Variants in TRHR observed in about 807,000 individuals in gnomAD.
The protein encoded by TRHR is thyrotropin releasing hormone receptor.
Under a neutral mutation model 28.0 loss-of-function variants are expected in TRHR, and 14 were observed. The observed-to-expected ratio is 0.50, with a 90% CI of 0.33 to 0.78. The LOEUF (loss-of-function observed/expected upper bound fraction) is 0.78. Ranked by LOEUF, TRHR falls within the 30% of genes least tolerant of loss-of-function variation. The pLI, the probability that TRHR is intolerant of heterozygous loss-of-function variation, is 0.02. For synonymous variants in TRHR, 176 were observed against 171.9 expected (o/e 1.02, Z -0.18); for missense variants, 438 against 469.5 (o/e 0.93, Z 0.62).
chr8:109,114,712 T>A (rs914121308), intron 2 of TRHR, among the ~76,000 whole-genome samples: 1 of 152,082 alleles, frequency 6.6e-6, no homozygotes, highest in Non-Finnish European at 1.5e-5. Context: ...TCTCTCTTTA[T>A]CTTAAGATTT....
intron 2 of TRHR, among the ~76,000 whole-genome samples, chr8:109,099,878 T>C (rs1284150180): frequency 6.6e-6 from 1 of 152,174 alleles, no homozygotes; most frequent in East Asian, 1.9e-4. Flanking sequence ...TTGAGTTTTA[T>C]GAGGATTTAT....
chr8:109,114,592 G>A (rs892751406), intron 2 of TRHR, among the ~76,000 whole-genome samples: 4 of 151,948 alleles, frequency 2.6e-5, no homozygotes, highest in Admixed American at 2.0e-4. Context: ...TTCATTACAT[G>A]GTCTGCAATT....
rs906248220 is a variant in TRHR at position 109,087,400 on chromosome 8, G to C, written c.-88-25G>C. 4.5e-6 allele frequency: 5 copies of C among 1,123,556 alleles called. No homozygotes were observed. In the Admixed American group the frequency reaches 9.6e-5, roughly 22 times the overall value. 69.6% of individuals were successfully genotyped at this position (1,123,556 alleles called of 1,614,324 possible). On this transcript the variant is annotated intron_variant, in intron 1 of 2. Transcript: ENST00000518632. ...GATCAGAAATTGTAACACTGTTAAT[G>C]AATATGTACTATGACCCTTCACAGG... is the stretch of plus-strand genomic sequence containing the variant.
At chr8:109,098,966 C>T (rs1811637292) in intron 2 of TRHR, among the ~76,000 whole-genome samples, 1 of 152,172 alleles carries the variant, frequency 6.6e-6, no homozygotes, top group African/African-American at 2.4e-5. Flanking sequence ...GAAACGTGAT[C>T]CTATTTATTG....
At chr8:109,107,009 G>A (rs973454120) in intron 2 of TRHR, among the ~76,000 whole-genome samples, 6 of 152,136 alleles carry the variant, frequency 3.9e-5, no homozygotes, top group Non-Finnish European at 7.3e-5. Flanking sequence ...AGACATGAGG[G>A]AAAGTAACTT....
At chr8:109,103,933 G>A (rs1183140261) in intron 2 of TRHR, among the ~76,000 whole-genome samples, 1 of 152,068 alleles carries the variant, frequency 6.6e-6, no homozygotes, top group African/African-American at 2.4e-5. Context: ...GAACACTGAG[G>A]CACCAGAAGA....
chr8:109,118,360 A>T (rs1385310964), intron 2 of TRHR, among the ~76,000 whole-genome samples: 1 of 151,930 alleles, frequency 6.6e-6, no homozygotes. Flanking sequence ...CTTTTCATGC[A>T]CTGTTACCTC....
intron 2 of TRHR, among the ~76,000 whole-genome samples, chr8:109,088,726 G>C (rs954132926): frequency 6.6e-6 from 1 of 152,140 alleles, no homozygotes; most frequent in African/African-American, 2.4e-5. Flanking sequence ...TTGAAAACAG[G>C]TTAGTTTAAA....
chr8:109,087,572 G>A lies in TRHR; in HGVS notation c.60G>A (p.Val20=). 1.9e-6 allele frequency: 3 copies of A among 1,614,212 alleles called. No homozygotes were observed. Among genetic ancestry groups the A allele is most frequent in the South Asian group, 2.2e-5 (2 of 91,084 alleles). The part of the protein sequence containing the change: ...NQTQLQPRAV[V]ALEYQVVTIL... Reference sequence around the variant, plus strand: ...CACAGCTTCAGCCACGAGCAGTGGTGGCCTTAGAATACCAGGTGGTCACCA... The same window carrying A: ...CACAGCTTCAGCCACGAGCAGTGGTAGCCTTAGAATACCAGGTGGTCACCA... Residue 20 remains valine (V), a synonymous_variant, in exon 2 of 3, where the codon GTG becomes GTA. Coordinates refer to ENST00000518632, the MANE Select transcript of TRHR (RefSeq NM_003301.7).
At chr8:109,118,988 AG>A in intron 2 of TRHR, 59 bp from the exon 3 acceptor site, 2 of 1,604,720 alleles carry the variant, frequency 1.2e-6, no homozygotes, top group African/African-American at 1.3e-5. Flanking sequence ...GAGAGAAGAA[AG>A]GGGGTTTTGT....
At chr8:109,117,132 G>T (rs760386432) in intron 2 of TRHR, among the ~76,000 whole-genome samples, 1 of 152,098 alleles carries the variant, frequency 6.6e-6, no homozygotes, top group South Asian at 2.1e-4. Flanking sequence ...AGTAAGTGTT[G>T]TTGGGTTTAT....
At chr8:109,102,799 C>A (rs931380888) in intron 2 of TRHR, among the ~76,000 whole-genome samples, 3 of 152,036 alleles carry the variant, frequency 2.0e-5, no homozygotes, top group African/African-American at 7.2e-5. Context: ...TAGTAAATTA[C>A]AGCTGATCTG....
chr8:109,119,259 T>G lies in TRHR; in HGVS notation c.1001T>G (p.Leu334Arg). 1 of 1,612,772 alleles carries G rather than the reference T, an allele frequency of 6.2e-7. No individual in the cohort carries two copies. Among genetic ancestry groups the G allele is most frequent in the Non-Finnish European group, 8.5e-7 (1 of 1,179,258 alleles). ...SQKFRAAFRKLCNCKQKPTEK... is the reference protein window; with the variant it reads ...SQKFRAAFRKRCNCKQKPTEK... ...AAATTCCGTGCAGCCTTCAGAAAGC[T>G]CTGCAACTGCAAGCAGAAGCCAACA... The change falls in exon 3 of 3, where the codon CTC (leucine) becomes CGC (arginine). Residue 334 changes from leucine (L) to arginine (R), a missense_variant. Coordinates refer to ENST00000518632, the MANE Select transcript of TRHR (RefSeq NM_003301.7).
chr8:109,088,882 T>C (rs1227968306), intron 2 of TRHR, among the ~76,000 whole-genome samples: 2 of 152,166 alleles, frequency 1.3e-5, no homozygotes, highest in Non-Finnish European at 2.9e-5. Context: ...TGTCCCAGCA[T>C]GCAGAAGCTG....
rs368902044 is a variant in TRHR, at chr8:109,087,836, A to G, written c.324A>G (p.Gly108=). 20 of 1,614,094 alleles carry G rather than the reference A, an allele frequency of 1.2e-5. No homozygotes were observed. The highest frequency in any genetic ancestry group is 1.6e-5 in the Non-Finnish European group (19 of 1,180,050). Residue 108 remains glycine (G), a synonymous_variant, in exon 2 of 3, where the codon GGA becomes GGG. Transcript: ENST00000518632. ...GCATTACTTACCTCCAGTATTTGGG[A>G]ATTAATGCATCCTCTTGTTCAATAA... is the stretch of plus-strand genomic sequence containing the variant. ...CLCITYLQYL[G]INASSCSITA... is the part of the protein sequence containing the mutation.
intron 2 of TRHR, among the ~76,000 whole-genome samples, chr8:109,105,150 C>T: frequency 6.6e-6 from 1 of 152,116 alleles, no homozygotes; most frequent in South Asian, 2.1e-4. Context: ...GTATCTATGA[C>T]ATAAGTGTAA....
chr8:109,111,621 A>T (rs528518527), intron 2 of TRHR, among the ~76,000 whole-genome samples: 40 of 152,234 alleles, frequency 2.6e-4, no homozygotes, highest in Non-Finnish European at 5.0e-4. Flanking sequence ...AATTGAAAGA[A>T]TTCTAAATCG....
chr8:109,119,965 T>G lies in TRHR; in HGVS notation c.*510T>G, dbSNP rs1811981479. Among the ~76,000 whole-genome samples the G allele has an allele frequency of 6.6e-6, 1 of 151,924 alleles. No homozygotes were observed. The highest frequency in any genetic ancestry group is 2.4e-5 in the African/African-American group (1 of 41,418). ...AAATATTACAGAAACATTTTATTTA[T>G]TGAGTAAAAATAAGATTTTAGACAT... On this transcript the variant is annotated 3_prime_UTR_variant, in exon 3 of 3. Transcript: ENST00000518632.
intron 2 of TRHR, among the ~76,000 whole-genome samples, chr8:109,114,601 T>G (rs904253172): frequency 6.6e-6 from 1 of 152,072 alleles, no homozygotes; most frequent in Admixed American, 6.6e-5. Flanking sequence ...TGGTCTGCAA[T>G]TGGAATTTGC....
Sources: gnomAD v4.1 joint callset for allele counts (sites outside exome capture counted in the v4.1 genomes callset) on GRCh38, gnomAD v4.1.1 for gene constraint, MANE v1.5 for transcripts, NCBI Gene and HGNC (gene_info 2026-07-23, HGNC 2026-07-21) for gene names.